The following KCNAB1 variants were observed in gnomAD, a reference collection of about 807,000 sequenced individuals.
The protein encoded by KCNAB1 is potassium voltage-gated channel subfamily A regulatory beta subunit 1.
A neutral mutation model predicts 64.6 loss-of-function variants in KCNAB1; 35 were observed. The ratio of observed to expected loss-of-function variants is 0.54; its 90% CI spans 0.41 to 0.72. The LOEUF (loss-of-function observed/expected upper bound fraction) is 0.72, where lower values mean the gene tolerates loss of function less well. Among genes scored for constraint, KCNAB1 ranks in the 30% least tolerant of loss-of-function variants. The pLI is 0.00. For missense variants in KCNAB1, 401 were observed against 512.9 expected, an observed-to-expected ratio of 0.78 and a Z score of 2.11; for synonymous variants, 177 against 183.8, an observed-to-expected ratio of 0.96 and a Z score of 0.30.
intron 7 of KCNAB1, among the ~76,000 whole-genome samples, chr3:156,473,686 G>A (rs1339775839): frequency 6.6e-6 from 1 of 152,100 alleles, no homozygotes; most frequent in East Asian, 1.9e-4. Flanking sequence ...AGTAATTGTG[G>A]CTGGCTGATA....
intron 1 of KCNAB1, among the ~76,000 whole-genome samples, chr3:156,284,263 T>C (rs57483954): frequency 0.028 from 4,200 of 151,814 alleles, 195 homozygotes; most frequent in South Asian, 0.22. Context: ...GGGGGTGCCT[T>C]CCAGTTAGGC....
At chr3:156,457,198 C>A (rs1034268415) in intron 3 of KCNAB1, 20 of 1,261,256 alleles carry the variant, frequency 1.6e-5, no homozygotes, top group Non-Finnish European at 1.8e-5. Flanking sequence ...GTGAGAAACA[C>A]AAATCTATCC....
At chr3:156,428,687 G>A (rs533287888) in intron 2 of KCNAB1, among the ~76,000 whole-genome samples, 1 of 152,118 alleles carries the variant, frequency 6.6e-6, no homozygotes, top group South Asian at 2.1e-4. Flanking sequence ...GGAGTAATGT[G>A]GTCACTTGCT....
intron 1 of KCNAB1, among the ~76,000 whole-genome samples, chr3:156,177,395 G>T (rs569667317): frequency 6.6e-6 from 1 of 152,154 alleles, no homozygotes; most frequent in South Asian, 2.1e-4. Flanking sequence ...TTATTTATTT[G>T]AGAGGGAGTC....
At chr3:156,300,613 T>C (rs762529713) in intron 1 of KCNAB1, among the ~76,000 whole-genome samples, 1 of 152,106 alleles carries the variant, frequency 6.6e-6, no homozygotes, top group Non-Finnish European at 1.5e-5. Flanking sequence ...GCTTCCTGTT[T>C]TAGAAGGAAA....
chr3:156,503,513 C>A (rs982198727), intron 8 of KCNAB1, among the ~76,000 whole-genome samples: 2 of 152,154 alleles, frequency 1.3e-5, no homozygotes, highest in Non-Finnish European at 2.9e-5. Flanking sequence ...GAGAGTTGTA[C>A]AAGGAGTGAG....
chr3:156,410,574 C>T (rs1576831185), intron 1 of KCNAB1, among the ~76,000 whole-genome samples: 1 of 152,138 alleles, frequency 6.6e-6, no homozygotes, highest in Non-Finnish European at 1.5e-5. Flanking sequence ...CATGCTATTG[C>T]CCATTCAGAA....
chr3:156,450,928 A>G (rs1711953494), intron 2 of KCNAB1, among the ~76,000 whole-genome samples: 2 of 145,960 alleles, frequency 1.4e-5, no homozygotes, highest in Non-Finnish European at 3.0e-5. Context: ...TAGGAGATGC[A>G]CAAGTTCATT....
chr3:156,310,867 A>C (rs945624165), intron 1 of KCNAB1, among the ~76,000 whole-genome samples: 21 of 152,194 alleles, frequency 1.4e-4, no homozygotes, highest in African/African-American at 4.6e-4. Flanking sequence ...CCACCTCCTA[A>C]GAATTGTCCA....
rs907099560 is a variant in KCNAB1, at chr3:156,374,738, A to G, written c.276-46878A>G. On this transcript the variant is annotated intron_variant, in intron 1 of 13. Coordinates refer to ENST00000490337, the MANE Select transcript of KCNAB1 (RefSeq NM_172160.3). Reference sequence around the variant, plus strand: ...GGTCCCATGCCCAGCTCTGCCACTTATGGCTGTTCGGCCTTAGTTAAACCT... The same window carrying G: ...GGTCCCATGCCCAGCTCTGCCACTTGTGGCTGTTCGGCCTTAGTTAAACCT... 8.2e-5 allele frequency among the ~76,000 whole-genome samples: 11 copies of G among 134,918 alleles called. 5 individuals are homozygous for G. The highest frequency in any genetic ancestry group is 3.7e-4 in the African/African-American group (11 of 29,990). 88.5% of individuals were successfully genotyped at this position (134,918 alleles called of 152,430 possible).
At chr3:156,474,862 T>G in intron 8 of KCNAB1, 42 bp downstream of exon 8, 1 of 1,419,182 alleles carries the variant, frequency 7.0e-7, no homozygotes, top group Non-Finnish European at 1.0e-6. Flanking sequence ...AAATCTTGAT[T>G]CAGTTTGAGG....
intron 1 of KCNAB1, chr3:156,143,280 G>T: frequency 6.2e-7 from 1 of 1,613,950 alleles, no homozygotes; most frequent in South Asian, 1.1e-5. Flanking sequence ...ACCTAGCAGT[G>T]ACCAAGACTC....
At chr3:156,366,832 G>C (rs1725972536) in intron 1 of KCNAB1, among the ~76,000 whole-genome samples, 1 of 152,180 alleles carries the variant, frequency 6.6e-6, no homozygotes, top group Admixed American at 6.5e-5. Flanking sequence ...ACAGTGACCT[G>C]TCACGCAGTT....
intron 1 of KCNAB1, among the ~76,000 whole-genome samples, chr3:156,312,697 T>C (rs1721990025): frequency 1.6e-5 from 1 of 64,014 alleles, no homozygotes; most frequent in Non-Finnish European, 2.8e-5. Flanking sequence ...AGAGTGAGAC[T>C]GTCTCCAAAA....
At chr3:156,507,500 C>T (rs1264110410) in intron 8 of KCNAB1, among the ~76,000 whole-genome samples, 1 of 152,186 alleles carries the variant, frequency 6.6e-6, no homozygotes, top group East Asian at 1.9e-4. Flanking sequence ...TATAAGTTTC[C>T]AGTCCTCTGA....
At position 156,198,913 on chromosome 3, in the gene KCNAB1, A is replaced by ATT. The variant is rs71138701; in HGVS notation, c.275+78056_275+78057dup. Among the ~76,000 whole-genome samples the ATT allele has an allele frequency of 3.1e-3, 65 of 21,284 alleles. 13 individuals carry two copies. Among genetic ancestry groups the ATT allele is most frequent in the African/African-American group, 9.2e-3 (38 of 4,148 alleles). 14.0% of individuals were successfully genotyped at this position (21,284 alleles called of 152,430 possible). A position where few individuals can be genotyped will look rare whatever the true frequency, so the allele number is the denominator to read the frequency against. On this transcript the variant is annotated intron_variant, in intron 1 of 13. Transcript: ENST00000490337. ...TATTGTCATTGGTCTTTATATTTTG[A>ATT]TTTTTTTTTTTTTTTTTTTTTTTTT...
intron 1 of KCNAB1, among the ~76,000 whole-genome samples, chr3:156,294,499 C>G (rs1720658522): frequency 6.6e-6 from 1 of 152,058 alleles, no homozygotes; most frequent in Non-Finnish European, 1.5e-5. Flanking sequence ...GGGAGGGAGA[C>G]TAATTATATA....
At chr3:156,217,320 T>C (rs75437905) in intron 1 of KCNAB1, among the ~76,000 whole-genome samples, 2,600 of 152,306 alleles carry the variant, frequency 0.017, 48 homozygotes, top group South Asian at 0.03. Context: ...TTTCCAAATA[T>C]GTTAACAACA....
At position 156,207,414 on chromosome 3, in the gene KCNAB1, A is replaced by C. The variant is rs6441053; in HGVS notation, c.275+86528A>C. 2.8e-3 allele frequency among the ~76,000 whole-genome samples: 422 copies of C among 152,246 alleles called. 3 individuals are homozygous for C. Among genetic ancestry groups the C allele is most frequent in the African/African-American group, 9.4e-3 (390 of 41,540 alleles). On this transcript the variant is annotated intron_variant, in intron 1 of 13. Coordinates refer to ENST00000490337, the MANE Select transcript of KCNAB1 (RefSeq NM_172160.3). ...ACTCTGTCTACCTTGGTTCTAGCAA[A>C]TATTCCCTCCTCTCTTTTGCAACTC...
Sources: gnomAD v4.1 joint callset for allele counts (sites outside exome capture counted in the v4.1 genomes callset) on GRCh38, gnomAD v4.1.1 for gene constraint, MANE v1.5 for transcripts, NCBI Gene and HGNC (gene_info 2026-07-23, HGNC 2026-07-21) for gene names.